The following TMEFF2 variants were observed in gnomAD, a reference collection of about 807,000 sequenced individuals.
TMEFF2 encodes the protein tomoregulin-2.
Under a neutral mutation model 53.8 loss-of-function variants are expected in TMEFF2, and 28 were observed. That is an observed-to-expected ratio of 0.52 (90% confidence interval 0.39 to 0.71). TMEFF2 has a LOEUF of 0.71. Among genes scored for constraint, TMEFF2 ranks in the 30% least tolerant of loss-of-function variants. The pLI is 0.00. For synonymous variants in TMEFF2, 162 were observed against 166.3 expected (o/e 0.97, Z 0.20); for missense variants, 353 against 455.2 (o/e 0.78, Z 2.04).
intron 7 of TMEFF2, among the ~76,000 whole-genome samples, chr2:191,976,345 AAT>A (rs1316667223): frequency 6.6e-6 from 1 of 152,242 alleles, no homozygotes; most frequent in Non-Finnish European, 1.5e-5. Context: ...ATCAGCACTT[AAT>A]AAATGTTTTA....
At chr2:192,167,657 A>G (rs1405380068) in intron 4 of TMEFF2, among the ~76,000 whole-genome samples, 2 of 152,140 alleles carry the variant, frequency 1.3e-5, no homozygotes. Flanking sequence ...ATTCGATCAG[A>G]GCATTACTAC....
chr2:192,031,211 A>AT (rs1482002368), intron 5 of TMEFF2: 6 of 152,030 alleles, frequency 3.9e-5, no homozygotes, highest in Admixed American at 2.0e-4. Flanking sequence ...CTTCTACACT[A>AT]TTTTTTTACC....
intron 5 of TMEFF2, among the ~76,000 whole-genome samples, chr2:192,002,165 G>A (rs1686380829): frequency 6.6e-6 from 1 of 152,054 alleles, no homozygotes; most frequent in Admixed American, 6.6e-5. Context: ...CAAAATTCCT[G>A]GCTCTTGTTG....
intron 4 of TMEFF2, among the ~76,000 whole-genome samples, chr2:192,129,066 A>G (rs1236681381): frequency 6.6e-6 from 1 of 151,086 alleles, no homozygotes; most frequent in Non-Finnish European, 1.5e-5. Context: ...CAATCTTAAC[A>G]CCCCCTGGCC....
intron 2 of TMEFF2, among the ~76,000 whole-genome samples, chr2:192,186,494 G>A (rs1691315635): frequency 6.6e-6 from 1 of 152,154 alleles, no homozygotes; most frequent in Non-Finnish European, 1.5e-5. Flanking sequence ...AATGTAGGTA[G>A]GATTATGTTG....
chr2:192,061,914 G>A (rs1366079627), intron 4 of TMEFF2, among the ~76,000 whole-genome samples: 1 of 152,130 alleles, frequency 6.6e-6, no homozygotes, highest in Non-Finnish European at 1.5e-5. Flanking sequence ...ATTCTGCCAT[G>A]AGTAAAAAGC....
chr2:192,127,082 A>T (rs1689695670), intron 4 of TMEFF2, among the ~76,000 whole-genome samples: 2 of 152,208 alleles, frequency 1.3e-5, no homozygotes, highest in African/African-American at 4.8e-5. Context: ...TATTAGTGCC[A>T]AGCAACTCAT....
At chr2:192,173,814 C>A (rs1574435302) in intron 4 of TMEFF2, among the ~76,000 whole-genome samples, 1 of 151,834 alleles carries the variant, frequency 6.6e-6, no homozygotes, top group East Asian at 1.9e-4. Context: ...ACTATCCCAC[C>A]ATCAATACTT....
intron 7 of TMEFF2, among the ~76,000 whole-genome samples, chr2:191,964,478 T>A (rs1182247823): frequency 1.3e-5 from 2 of 150,288 alleles, no homozygotes; most frequent in African/African-American, 4.9e-5. Flanking sequence ...CAATCCCTCA[T>A]GAATCTCAAC....
intron 4 of TMEFF2, among the ~76,000 whole-genome samples, chr2:192,170,072 C>T (rs1690869943): frequency 6.6e-6 from 1 of 152,056 alleles, no homozygotes; most frequent in Non-Finnish European, 1.5e-5. Context: ...TTAAAGATAA[C>T]CACATTGAAG....
At chr2:192,099,847 T>C (rs1402108611) in intron 4 of TMEFF2, among the ~76,000 whole-genome samples, 1 of 135,354 alleles carries the variant, frequency 7.4e-6, no homozygotes, top group Non-Finnish European at 1.6e-5. Flanking sequence ...TGAATCAACA[T>C]AGTTTGACAA....
intron 7 of TMEFF2, among the ~76,000 whole-genome samples, chr2:191,966,898 T>G (rs1425692133): frequency 6.6e-6 from 1 of 152,124 alleles, no homozygotes; most frequent in Non-Finnish European, 1.5e-5. Context: ...TTTTTATAAT[T>G]TATTAAACTA....
At chr2:191,999,004 AT>A in intron 6 of TMEFF2, 55 bp downstream of exon 6, 1 of 1,542,606 alleles carries the variant, frequency 6.5e-7, no homozygotes, top group Non-Finnish European at 8.8e-7. Context: ...TTCACTTTTC[AT>A]TTTTGCACAA....
intron 4 of TMEFF2, among the ~76,000 whole-genome samples, chr2:192,082,679 T>G (rs1688579917): frequency 6.6e-6 from 1 of 152,210 alleles, no homozygotes; most frequent in African/African-American, 2.4e-5. Context: ...ATTTACTTAC[T>G]GGGATTCTAT....
chr2:192,088,708 T>C (rs1450515188), intron 4 of TMEFF2, among the ~76,000 whole-genome samples: 2 of 152,200 alleles, frequency 1.3e-5, no homozygotes, highest in Non-Finnish European at 2.9e-5. Context: ...CCTTTTAATC[T>C]TTTAATTCAT....
chr2:192,180,567 A>G (rs1210357245), intron 3 of TMEFF2, among the ~76,000 whole-genome samples: 1 of 151,750 alleles, frequency 6.6e-6, no homozygotes, highest in Non-Finnish European at 1.5e-5. Flanking sequence ...ACAGGGAAAT[A>G]AGATTAATAT....
chr2:191,983,577 G>C (rs918372995), intron 7 of TMEFF2, among the ~76,000 whole-genome samples: 5 of 152,098 alleles, frequency 3.3e-5, no homozygotes, highest in African/African-American at 1.2e-4. Context: ...GACAGTGCCT[G>C]GTAGAATGAT....
intron 4 of TMEFF2, among the ~76,000 whole-genome samples, chr2:192,079,828 G>T (rs577632695): frequency 6.6e-6 from 1 of 151,876 alleles, no homozygotes; most frequent in African/African-American, 2.4e-5. Context: ...TTTATATATC[G>T]TGTTGTGTAA....
chr2:192,061,298 C>T (rs1468825891), intron 4 of TMEFF2, among the ~76,000 whole-genome samples: 2 of 152,078 alleles, frequency 1.3e-5, no homozygotes, highest in Non-Finnish European at 2.9e-5. Flanking sequence ...AGTCATCCAT[C>T]AATATCTGCT....
Sources: allele counts gnomAD v4.1 joint callset (sites outside exome capture counted in the v4.1 genomes callset), GRCh38; gene constraint gnomAD v4.1.1; transcripts MANE v1.5; gene names NCBI Gene and HGNC (gene_info 2026-07-23, HGNC 2026-07-21).